Variants in NDST1 observed in about 807,000 individuals in gnomAD.
NDST1 encodes the protein N-deacetylase and N-sulfotransferase 1, also known as bifunctional heparan sulfate N-deacetylase/N-sulfotransferase 1.
In NDST1, 35 loss-of-function variants were observed where a neutral mutation model predicts 92.8. The observed-to-expected ratio is 0.38, with a 90% CI of 0.29 to 0.50. The LOEUF is 0.50. Among genes scored for constraint, NDST1 ranks in the 20% least tolerant of loss-of-function variants. NDST1 has a pLI of 0.94. For missense variants in NDST1, 822 were observed against 1,182.7 expected (o/e 0.69, Z 4.47); for synonymous variants, 493 against 500.3 (o/e 0.99, Z 0.19).
intron 1 of NDST1, among the ~76,000 whole-genome samples, chr5:150,509,652 A>G (rs936231241): frequency 1.3e-5 from 2 of 152,140 alleles, no homozygotes; most frequent in African/African-American, 2.4e-5. Context: ...TGCTGGGATT[A>G]CAGGCATGTG....
chr5:150,550,241 G>A (rs1755662609), intron 13 of NDST1, among the ~76,000 whole-genome samples: 2 of 151,830 alleles, frequency 1.3e-5, no homozygotes, highest in South Asian at 2.1e-4. Context: ...GCTTGGGACC[G>A]CAGACATGTG....
chr5:150,533,198 C>T (rs1201340334), intron 4 of NDST1, among the ~76,000 whole-genome samples, 166 bp downstream of exon 4: 1 of 152,236 alleles, frequency 6.6e-6, no homozygotes, highest in Non-Finnish European at 1.5e-5. Flanking sequence ...AGAGCAGTCA[C>T]AACCCAGGCA....
At chr5:150,504,057 G>A (rs780800693), upstream of NDST1, among the ~76,000 whole-genome samples, 12 of 152,278 alleles carry the variant, frequency 7.9e-5, no homozygotes, top group East Asian at 1.9e-4. Context: ...CAGCAGAGCC[G>A]TGGAGAGGTT....
chr5:150,549,750 G>A lies in NDST1; in HGVS notation c.2389G>A (p.Gly797Arg). ...GATGGACATGGTGCAGAAGTTCCTT[G>A]GGGTGACCAACACCATTGACTACCA... ...KVMDMVQKFL[G>R]VTNTIDYHKT... The change falls in exon 13 of 15, where the codon GGG becomes AGG. Residue 797 changes from glycine to arginine, a missense_variant. Physicochemically the swap from Gly to Arg is moderately radical, Grantham distance 125. Transcript: ENST00000261797. 6.2e-7 allele frequency: 1 copy of A among 1,613,840 alleles called. No homozygotes were observed. Among genetic ancestry groups the A allele is most frequent in the Non-Finnish European group, 8.5e-7 (1 of 1,179,688 alleles).
rs1335528565 is a variant in NDST1, at chr5:150,553,360, T to A, written c.*28T>A. The A allele has an allele frequency of 6.2e-7, 1 of 1,609,206 alleles. No individual in the cohort carries two copies. The highest frequency in any genetic ancestry group is 2.2e-5 in the East Asian group (1 of 44,616). On this transcript the variant is annotated 3_prime_UTR_variant, in exon 15 of 15. Coordinates refer to ENST00000261797, the MANE Select transcript of NDST1 (RefSeq NM_001543.5). The surrounding 1 kb of genome is among the most constrained non-coding windows in gnomAD (Gnocchi z 4.2). ...GTGGCCACCACAGCCAGACTGAACG[T>A]TTGTGAAAGCTGGGACATCCCACCA...
intron 6 of NDST1, among the ~76,000 whole-genome samples, chr5:150,537,910 G>C (rs1198393637): frequency 1.3e-5 from 2 of 152,156 alleles, no homozygotes; most frequent in African/African-American, 4.8e-5. Context: ...AGGGAAAATA[G>C]AAAAGGACCC....
intron 11 of NDST1, among the ~76,000 whole-genome samples, chr5:150,546,494 G>T (rs538706755): frequency 6.6e-6 from 1 of 152,332 alleles, no homozygotes. Flanking sequence ...CCACCCTGTT[G>T]TCCAGGCCGA....
chr5:150,547,340 C>T (rs545202332), intron 11 of NDST1, among the ~76,000 whole-genome samples: 33 of 152,230 alleles, frequency 2.2e-4, no homozygotes, highest in African/African-American at 7.7e-4. Context: ...ACGAGGAGGA[C>T]GCTGCTGTGC....
intron 1 of NDST1, among the ~76,000 whole-genome samples, chr5:150,509,620 C>G (rs1753626979): frequency 6.6e-6 from 1 of 152,326 alleles, no homozygotes; most frequent in South Asian, 2.1e-4. Context: ...TCAAGCGATT[C>G]TCCTGCCTCA....
chr5:150,517,903 G>T (rs889096739), intron 1 of NDST1, among the ~76,000 whole-genome samples: 1 of 152,256 alleles, frequency 6.6e-6, no homozygotes, highest in Non-Finnish European at 1.5e-5. Context: ...CGCCATCAGG[G>T]CATCCCCACC....
At chr5:150,525,676 T>G (rs1754442330) in intron 2 of NDST1, among the ~76,000 whole-genome samples, 1 of 152,162 alleles carries the variant, frequency 6.6e-6, no homozygotes, top group South Asian at 2.1e-4. Context: ...TTTTTGGGAA[T>G]TAGAGGAGAT....
Position 150,534,999 on chromosome 5 carries a change from C to A in NDST1, c.1229C>A (p.Ala410Asp). The A allele has an allele frequency of 6.2e-7, 1 of 1,614,218 alleles. No homozygotes were observed. Among genetic ancestry groups the A allele is most frequent in the Non-Finnish European group, 8.5e-7 (1 of 1,180,022 alleles). Residue 410 changes from alanine (A) to aspartate (D), a missense_variant, in exon 5 of 15, where the codon GCC (alanine) becomes GAC (aspartate). By Grantham distance (126) the Ala-to-Asp change is moderately radical. Coordinates refer to ENST00000261797, the MANE Select transcript of NDST1 (RefSeq NM_001543.5). ...CAGTCCGTGTTGGCCGAGCAGATGG[C>A]CTTGAACAAGAAGTTCGCTGTCGTG... is the stretch of plus-strand genomic sequence containing the variant. ...HNQSVLAEQM[A>D]LNKKFAVEHG...
At chr5:150,503,132 G>A (rs916298249), upstream of NDST1, among the ~76,000 whole-genome samples, 1 of 152,146 alleles carries the variant, frequency 6.6e-6, no homozygotes, top group Non-Finnish European at 1.5e-5. Context: ...CTGTGAGGTT[G>A]AATGAGGAAA....
upstream of NDST1, among the ~76,000 whole-genome samples, chr5:150,505,118 T>C (rs1418030714): frequency 2.0e-5 from 3 of 152,210 alleles, no homozygotes; most frequent in Non-Finnish European, 4.4e-5. Flanking sequence ...GATTTAAAAA[T>C]GGCACAGCGG....
At chr5:150,509,148 C>T (rs1753600419) in intron 1 of NDST1, among the ~76,000 whole-genome samples, 1 of 152,120 alleles carries the variant, frequency 6.6e-6, no homozygotes, top group African/African-American at 2.4e-5. Context: ...GCTTCTGCAT[C>T]CTTGAGATGG....
intron 1 of NDST1, among the ~76,000 whole-genome samples, chr5:150,500,270 C>T (rs1753172122): frequency 6.6e-6 from 1 of 151,518 alleles, no homozygotes; most frequent in Non-Finnish European, 1.5e-5. Context: ...GTAGCCTCCC[C>T]ATCCTGAGAA....
intron 1 of NDST1, among the ~76,000 whole-genome samples, chr5:150,509,406 G>A (rs1753615482): frequency 6.6e-6 from 1 of 152,182 alleles, no homozygotes; most frequent in African/African-American, 2.4e-5. Context: ...GCCGTGAGGC[G>A]AGGTGCTCAC....
intron 1 of NDST1, among the ~76,000 whole-genome samples, chr5:150,498,755 A>G (rs532124760): frequency 1.4e-4 from 21 of 152,278 alleles, no homozygotes; most frequent in Admixed American, 3.9e-4. Flanking sequence ...GACCCTTGCT[A>G]TTCTGCCACC....
intron 2 of NDST1, among the ~76,000 whole-genome samples, chr5:150,524,325 C>T (rs1017644721): frequency 6.6e-6 from 1 of 152,252 alleles, no homozygotes; most frequent in Non-Finnish European, 1.5e-5. Flanking sequence ...GTTCAGTAAA[C>T]AGCAGTGGTA....
Sources: allele counts gnomAD v4.1 joint callset (sites outside exome capture counted in the v4.1 genomes callset), GRCh38; gene constraint gnomAD v4.1.1; non-coding constraint Gnocchi (gnomAD v3.1); transcripts MANE v1.5; gene names NCBI Gene and HGNC (gene_info 2026-07-23, HGNC 2026-07-21).